Variants in TNR observed in about 807,000 individuals in gnomAD.
TNR encodes the protein tenascin R, also known as tenascin-R.
TNR carries 45 observed loss-of-function variants against 150.4 expected under a neutral mutation model. The observed-to-expected ratio is 0.30, with a 90% CI of 0.24 to 0.38. The LOEUF is 0.38. TNR is among the 10% of genes least tolerant of loss of function. The pLI, the probability that TNR is intolerant of heterozygous loss-of-function variation, is 1.00. For synonymous variants in TNR, 687 were observed against 678.4 expected (o/e 1.01, Z -0.20); for missense variants, 1,544 against 1,759.1 (o/e 0.88, Z 2.19).
At chr1:175,325,877 G>T (rs1442166572) in intron 21 of TNR, among the ~76,000 whole-genome samples, 1 of 151,998 alleles carries the variant, frequency 6.6e-6, no homozygotes, top group Non-Finnish European at 1.5e-5. Flanking sequence ...GTGGGGTGGG[G>T]GTAGGGGGGA....
At chr1:175,685,888 T>C (rs1276237332) in intron 1 of TNR, among the ~76,000 whole-genome samples, 1 of 151,854 alleles carries the variant, frequency 6.6e-6, no homozygotes, top group Non-Finnish European at 1.5e-5. Context: ...ACTGTGGTTC[T>C]CATGTGTTGC....
intron 2 of TNR, among the ~76,000 whole-genome samples, chr1:175,509,315 C>A (rs1319867153): frequency 6.6e-6 from 1 of 152,174 alleles, no homozygotes; most frequent in Non-Finnish European, 1.5e-5. Flanking sequence ...ACTCTTTTTG[C>A]AGCACTGATC....
rs7340064 is a variant in TNR at position 175,328,515 on chromosome 1, G to A, written c.3793+1559C>T. Reference sequence around the variant, plus strand: ...GGCTCTTCCTCTCCAGAAACCTTCTGATCTAGAAAGAACAACCATTGTGTG... The same window carrying A: ...GGCTCTTCCTCTCCAGAAACCTTCTAATCTAGAAAGAACAACCATTGTGTG... On this transcript the variant is annotated intron_variant, in intron 21 of 22. Coordinates refer to ENST00000367674, the MANE Select transcript of TNR (RefSeq NM_003285.3). Among the ~76,000 whole-genome samples, 117 of 152,316 alleles carry A rather than the reference G, an allele frequency of 7.7e-4. 2 individuals carry two copies. Among genetic ancestry groups the A allele is most frequent in the African/African-American group, 2.7e-3 (112 of 41,566 alleles).
intron 1 of TNR, among the ~76,000 whole-genome samples, chr1:175,667,792 C>T (rs1008561744): frequency 6.6e-6 from 1 of 152,200 alleles, no homozygotes; most frequent in African/African-American, 2.4e-5. Flanking sequence ...CCTGTACCCT[C>T]TTGGTCAGAT....
At chr1:175,708,211 C>T (rs1381532485) in intron 1 of TNR, among the ~76,000 whole-genome samples, 1 of 152,210 alleles carries the variant, frequency 6.6e-6, no homozygotes, top group Admixed American at 6.5e-5. Flanking sequence ...GCCCTGGGCT[C>T]ATGGTGAGAA....
At chr1:175,463,298 C>A (rs762767701) in intron 2 of TNR, among the ~76,000 whole-genome samples, 2 of 152,214 alleles carry the variant, frequency 1.3e-5, no homozygotes, top group Non-Finnish European at 2.9e-5. Context: ...GATTTTACTG[C>A]ATACACTTGT....
chr1:175,487,385 T>C (rs1658059986), intron 2 of TNR, among the ~76,000 whole-genome samples: 1 of 152,214 alleles, frequency 6.6e-6, no homozygotes, highest in Non-Finnish European at 1.5e-5. Flanking sequence ...TACCCAACCA[T>C]GGCTCAGGGG....
intron 2 of TNR, among the ~76,000 whole-genome samples, chr1:175,456,559 T>A (rs1656582159): frequency 6.6e-6 from 1 of 152,180 alleles, no homozygotes; most frequent in Non-Finnish European, 1.5e-5. Flanking sequence ...GCCTCCTTAA[T>A]GAAATATAGT....
intron 1 of TNR, among the ~76,000 whole-genome samples, chr1:175,640,493 A>C (rs917866610): frequency 1.3e-5 from 2 of 152,212 alleles, no homozygotes; most frequent in Non-Finnish European, 2.9e-5. Context: ...TGCCTGTCCA[A>C]TTAGTTCAGA....
At chr1:175,481,511 G>C (rs1268475939) in intron 2 of TNR, among the ~76,000 whole-genome samples, 2 of 152,086 alleles carry the variant, frequency 1.3e-5, no homozygotes, top group East Asian at 3.9e-4. Context: ...TGCTTGGAGA[G>C]GACAGGACAC....
chr1:175,436,058 G>A (rs1227451938), intron 2 of TNR, among the ~76,000 whole-genome samples: 3 of 152,128 alleles, frequency 2.0e-5, no homozygotes, highest in Non-Finnish European at 4.4e-5. Context: ...TTTCTCTCTG[G>A]CTGCCCTTAA....
intron 20 of TNR, among the ~76,000 whole-genome samples, chr1:175,331,064 T>G (rs1247471573): frequency 2.3e-5 from 3 of 130,304 alleles, no homozygotes; most frequent in Admixed American, 7.8e-5. Context: ...TTTCTTTCTT[T>G]CTTTCTTTCT....
chr1:175,337,483 A>G, intron 19 of TNR, 45 bp downstream of exon 19: 5 of 1,610,650 alleles, frequency 3.1e-6, no homozygotes, highest in Non-Finnish European at 2.5e-6. Context: ...GTAGACTAGA[A>G]CACTGAGGAC....
At chr1:175,541,583 TA>T (rs1391545754) in intron 1 of TNR, among the ~76,000 whole-genome samples, 1 of 152,112 alleles carries the variant, frequency 6.6e-6, no homozygotes, top group Non-Finnish European at 1.5e-5. Context: ...GTCAACTGAT[TA>T]AAAATGAATG....
chr1:175,325,031 C>T (rs893623912), intron 21 of TNR, among the ~76,000 whole-genome samples: 8 of 152,148 alleles, frequency 5.3e-5, no homozygotes, highest in Non-Finnish European at 1.2e-4. Flanking sequence ...TTAGAATTCC[C>T]ATCCGTAAGA....
chr1:175,347,852 G>C (rs1319659991), intron 18 of TNR, among the ~76,000 whole-genome samples: 1 of 152,114 alleles, frequency 6.6e-6, no homozygotes, highest in Non-Finnish European at 1.5e-5. Flanking sequence ...TGCAACTAAA[G>C]TCAATGTACC....
chr1:175,581,776 C>T (rs1285757138), intron 1 of TNR, among the ~76,000 whole-genome samples: 1 of 151,698 alleles, frequency 6.6e-6, no homozygotes, highest in Non-Finnish European at 1.5e-5. Flanking sequence ...GTGACATGGC[C>T]CCTGCTAATA....
intron 1 of TNR, among the ~76,000 whole-genome samples, chr1:175,608,326 T>C (rs867926485): frequency 1.6e-4 from 24 of 152,380 alleles, no homozygotes; most frequent in African/African-American, 5.3e-4. Flanking sequence ...TTGCTGAAGA[T>C]ATCTTTCTGG....
intron 1 of TNR, among the ~76,000 whole-genome samples, chr1:175,574,238 T>C: frequency 6.6e-6 from 1 of 152,134 alleles, no homozygotes; most frequent in East Asian, 1.9e-4. Flanking sequence ...CAGACCCAAG[T>C]CCAGTTCTCG....
Sources: gnomAD v4.1 joint callset for allele counts (sites outside exome capture counted in the v4.1 genomes callset) on GRCh38, gnomAD v4.1.1 for gene constraint, MANE v1.5 for transcripts, NCBI Gene and HGNC (gene_info 2026-07-23, HGNC 2026-07-21) for gene names.